Variants in PPP1R9A observed in about 807,000 individuals in gnomAD.
The protein encoded by PPP1R9A is neurabin-1.
In PPP1R9A, 59 loss-of-function variants were observed where a neutral mutation model predicts 141.9. The observed-to-expected ratio is 0.42, with a 90% CI of 0.34 to 0.52. The LOEUF (loss-of-function observed/expected upper bound fraction) is 0.52, where lower values mean the gene tolerates loss of function less well. Ranked by LOEUF, PPP1R9A falls within the 20% of genes least tolerant of loss-of-function variation. The pLI, the probability that PPP1R9A is intolerant of heterozygous loss-of-function variation, is 0.10. For missense variants in PPP1R9A, 1,444 were observed against 1,611.9 expected (o/e 0.90, Z 1.78); for synonymous variants, 500 against 569.7 (o/e 0.88, Z 1.74).
At chr7:95,079,493 C>T (rs1482846217) in intron 2 of PPP1R9A, among the ~76,000 whole-genome samples, 5 of 151,732 alleles carry the variant, frequency 3.3e-5, no homozygotes, top group Non-Finnish European at 5.9e-5. Flanking sequence ...GATTCACAGC[C>T]GAATTCTACC....
intron 2 of PPP1R9A, among the ~76,000 whole-genome samples, chr7:94,974,637 G>A (rs972095070): frequency 7.2e-5 from 11 of 152,214 alleles, no homozygotes; most frequent in African/African-American, 2.6e-4. Flanking sequence ...TTTCATTCTT[G>A]TTTCTCTTCT....
intron 1 of PPP1R9A, among the ~76,000 whole-genome samples, chr7:94,908,915 ATT>A (rs1562973858): frequency 2.0e-5 from 3 of 152,134 alleles, no homozygotes; most frequent in Non-Finnish European, 2.9e-5. Flanking sequence ...TCCTCAGCTG[ATT>A]GTGCGTGAGG....
At chr7:95,074,064 T>C (rs1179002081) in intron 2 of PPP1R9A, among the ~76,000 whole-genome samples, 2 of 152,174 alleles carry the variant, frequency 1.3e-5, no homozygotes, top group African/African-American at 2.4e-5. Flanking sequence ...GTGTGACATC[T>C]TGGGAAAGTT....
intron 7 of PPP1R9A, among the ~76,000 whole-genome samples, chr7:95,211,639 G>A (rs143214293): frequency 3.0e-4 from 45 of 152,128 alleles, no homozygotes; most frequent in Admixed American, 1.6e-3. Flanking sequence ...GGTCTATTAC[G>A]ACTGACTTGT....
chr7:95,027,714 C>T (rs1807082914), intron 2 of PPP1R9A, among the ~76,000 whole-genome samples: 1 of 152,138 alleles, frequency 6.6e-6, no homozygotes, highest in South Asian at 2.1e-4. Context: ...GTCTATTGCT[C>T]TTAGCAACAA....
intron 5 of PPP1R9A, among the ~76,000 whole-genome samples, chr7:95,164,635 A>G (rs1159150776): frequency 6.6e-6 from 1 of 151,554 alleles, no homozygotes; most frequent in Non-Finnish European, 1.5e-5. Flanking sequence ...CATATCCTCT[A>G]GAATCTTATT....
intron 7 of PPP1R9A, among the ~76,000 whole-genome samples, chr7:95,206,463 GTAA>G (rs1238817657): frequency 1.3e-5 from 2 of 151,950 alleles, no homozygotes; most frequent in Admixed American, 6.6e-5. Flanking sequence ...ACTTTAATGA[GTAA>G]TAATTTACAT....
intron 2 of PPP1R9A, among the ~76,000 whole-genome samples, chr7:94,990,364 G>A (rs854744): frequency 0.37 from 55,435 of 151,850 alleles, 11,290 homozygotes; most frequent in Middle Eastern, 0.5. Flanking sequence ...TTTGAATATT[G>A]CACAGTGGAA....
chr7:95,234,693 C>CA (rs1350967159), intron 8 of PPP1R9A, among the ~76,000 whole-genome samples: 6 of 152,066 alleles, frequency 3.9e-5, no homozygotes, highest in Admixed American at 6.6e-5. Context: ...CATATGGAAC[C>CA]AAAAAAGAGC....
chr7:95,017,506 A>G (rs753431421), intron 2 of PPP1R9A, among the ~76,000 whole-genome samples: 27 of 152,138 alleles, frequency 1.8e-4, no homozygotes, highest in Non-Finnish European at 3.7e-4. Flanking sequence ...ACCAAAAATC[A>G]TAAAATACTT....
chr7:95,274,143 G>A lies in PPP1R9A; in HGVS notation c.3271G>A (p.Ala1091Thr), dbSNP rs749150771. 3.8e-6 allele frequency: 6 copies of A among 1,580,312 alleles called. No homozygotes were observed. Among genetic ancestry groups the A allele is most frequent in the Non-Finnish European group, 5.1e-6 (6 of 1,168,804 alleles). ...GKKWKEKEKE[A>T]SRFSAGSRIF... is the part of the protein sequence containing the mutation. Reference sequence around the variant, plus strand: ...GAAGTGGAAAGAAAAAGAAAAAGAAGCCAGTAGGTTTTCTGCAGGTAGCAG... The same window carrying A: ...GAAGTGGAAAGAAAAAGAAAAAGAAACCAGTAGGTTTTCTGCAGGTAGCAG... The change falls in exon 16 of 20, where the codon GCC becomes ACC. Residue 1091 changes from alanine (A) to threonine (T), a missense_variant. Physicochemically the swap from Ala to Thr is moderately conservative, Grantham distance 58 (BLOSUM62 0). Around this residue, in one of 5 missense-constraint regions of PPP1R9A, gnomAD observed 459 missense variants for 513.8 expected, o/e 0.89. Transcript: ENST00000433360.
intron 2 of PPP1R9A, among the ~76,000 whole-genome samples, chr7:95,066,443 C>G (rs1812959874): frequency 6.6e-6 from 1 of 151,452 alleles, no homozygotes; most frequent in Admixed American, 6.6e-5. Context: ...GTAAGATAAC[C>G]CAAAGGAAAA....
In PPP1R9A at chr7:94,921,003, T is replaced by A. The variant is rs534937644; in HGVS notation, c.1395+9495T>A. Among the ~76,000 whole-genome samples, 62 of 152,268 alleles carry A rather than the reference T, an allele frequency of 4.1e-4. 1 individual carries two copies. In the South Asian group the frequency reaches 0.013, roughly 31 times the overall value. ...GTATACAGCCTCATGGAGGCTACAT[T>A]CATATCAGAAAATTGTCTAATCTTC... is the stretch of plus-strand genomic sequence containing the variant. On this transcript the variant is annotated intron_variant, in intron 2 of 19. Coordinates refer to ENST00000433360, the MANE Select transcript of PPP1R9A (RefSeq NM_001166160.2).
Position 95,284,284 on chromosome 7 carries a change from G to A in PPP1R9A, c.3563G>A (p.Gly1188Glu). ...AATCCCTCCTCTTCTTCAATCTTTG[G>A]AAGGCATTCTCAACTTATGTCTGTA... Reference protein sequence around the residue: ...NPNPSSSSIFGRHSQLMSVVW... With the variant: ...NPNPSSSSIFERHSQLMSVVW... Residue 1188 changes from glycine (G) to glutamate (E), a missense_variant, in exon 17 of 20, where the codon GGA (glycine) becomes GAA (glutamate). By Grantham distance (98) the Gly-to-Glu change is moderately conservative. This residue lies in a region of PPP1R9A where 459 missense variants were observed against 513.8 expected (regional missense o/e 0.89). Transcript: ENST00000433360. 1.3e-6 allele frequency: 2 copies of A among 1,562,762 alleles called. No individual in the cohort carries two copies. Among genetic ancestry groups the A allele is most frequent in the Non-Finnish European group, 1.7e-6 (2 of 1,150,806 alleles).
At chr7:95,217,558 C>T (rs1371263365) in intron 7 of PPP1R9A, among the ~76,000 whole-genome samples, 1 of 152,126 alleles carries the variant, frequency 6.6e-6, no homozygotes, top group East Asian at 1.9e-4. Context: ...CCAGCTCCTC[C>T]TTGTACCTCT....
At position 95,198,343 on chromosome 7, in the gene PPP1R9A, C is replaced by T. The variant is rs1177845904; in HGVS notation, c.1755-6C>T. The T allele has an allele frequency of 2.5e-6, 4 of 1,595,660 alleles. No homozygotes were observed. Among genetic ancestry groups the T allele is most frequent in the Non-Finnish European group, 3.4e-6 (4 of 1,173,952 alleles). On this transcript the variant is annotated splice_region_variant and splice_polypyrimidine_tract_variant and intron_variant, in intron 5 of 19. Coordinates refer to ENST00000433360, the MANE Select transcript of PPP1R9A (RefSeq NM_001166160.2). ...TAAATATTAGTCTTTGTTAACCTTT[C>T]CACAGATTTGTTATTGGGCGGGAAA...
intron 6 of PPP1R9A, 137 bp downstream of exon 6, chr7:95,198,621 A>C: frequency 9.7e-7 from 1 of 1,029,296 alleles, no homozygotes; most frequent in Admixed American, 2.9e-5. Flanking sequence ...TCTACCTTAG[A>C]AAAGAAATAC....
intron 2 of PPP1R9A, among the ~76,000 whole-genome samples, chr7:95,110,050 T>C (rs1820279510): frequency 1.3e-5 from 2 of 152,034 alleles, no homozygotes; most frequent in African/African-American, 4.8e-5. Flanking sequence ...ATGTTGAAAG[T>C]CAAGAAGAAA....
intron 4 of PPP1R9A, among the ~76,000 whole-genome samples, chr7:95,129,355 A>G (rs1824158631): frequency 6.6e-6 from 1 of 152,144 alleles, no homozygotes; most frequent in African/African-American, 2.4e-5. Context: ...TCTCTGCACA[A>G]GCTCTTCTCT....
Sources: gnomAD v4.1 joint callset for allele counts (sites outside exome capture counted in the v4.1 genomes callset) on GRCh38, gnomAD v4.1.1 for gene constraint, gnomAD v4.1.1 regional missense constraint, MANE v1.5 for transcripts, NCBI Gene and HGNC (gene_info 2026-07-23, HGNC 2026-07-21) for gene names.